Variants in CYP2J2 observed in about 807,000 individuals in gnomAD.
CYP2J2 encodes the protein cytochrome P450 family 2 subfamily J member 2.
CYP2J2 carries 41 observed loss-of-function variants against 48.8 expected under a neutral mutation model. The ratio of observed to expected loss-of-function variants is 0.84; its 90% confidence interval spans 0.66 to 1.09. The LOEUF (loss-of-function observed/expected upper bound fraction) is 1.09, where lower values mean the gene tolerates loss of function less well. Ranked by LOEUF, CYP2J2 falls within the 50% of genes least tolerant of loss-of-function variation. The pLI is 0.00. For missense variants in CYP2J2, 644 were observed against 617.3 expected, an observed-to-expected ratio of 1.04 and a Z score of -0.46; for synonymous variants, 221 against 227.1, an observed-to-expected ratio of 0.97 and a Z score of 0.24.
the CYP2J2 span, among the ~76,000 whole-genome samples, chr1:59,949,033 C>T: frequency 6.6e-6 from 1 of 151,536 alleles, no homozygotes; most frequent in Admixed American, 6.6e-5. Flanking sequence ...CATAGTGAGA[C>T]CACATCTCTG....
the CYP2J2 span, among the ~76,000 whole-genome samples, chr1:59,955,715 A>C: frequency 1.3e-5 from 2 of 152,190 alleles, no homozygotes; most frequent in South Asian, 4.1e-4. Flanking sequence ...CATAAACTTA[A>C]TGTATGCACG....
At chr1:59,935,025 T>TATATATATATAC in the CYP2J2 span, among the ~76,000 whole-genome samples, 1 of 85,846 alleles carries the variant, frequency 1.2e-5, no homozygotes, top group African/African-American at 4.0e-5. Flanking sequence ...CATATATATA[T>TATATATATATAC]ATATATATAT....
At chr1:59,948,072 G>A in the CYP2J2 span, among the ~76,000 whole-genome samples, 1 of 152,142 alleles carries the variant, frequency 6.6e-6, no homozygotes, top group African/African-American at 2.4e-5. Flanking sequence ...GATGAAAATG[G>A]AGAATCTTCA....
rs186143138 is a variant in CYP2J2 at position 59,917,968 on chromosome 1, C to T, written c.211-1868G>A. ...TCGGAGCAAATACAGTGGATTCAGT[C>T]TTATCCCACCACCTTGCTCCCACAT... is the stretch of plus-strand genomic sequence containing the variant. On this transcript the variant is annotated intron_variant, in intron 1 of 8. Transcript: ENST00000371204. Among the ~76,000 whole-genome samples the T allele has an allele frequency of 1.2e-4, 19 of 152,308 alleles. No homozygotes were observed. In the East Asian group the frequency reaches 2.5e-3, roughly 20 times the overall value.
chr1:59,904,979 G>A lies in CYP2J2; in HGVS notation c.1083C>T (p.Tyr361=), dbSNP rs753516471. 34 of 1,614,030 alleles carry A rather than the reference G, an allele frequency of 2.1e-5. No individual in the cohort carries two copies. Among genetic ancestry groups the A allele is most frequent in the African/African-American group, 2.7e-5 (2 of 75,040 alleles). Reference sequence around the variant, plus strand: ...GCACCTCATGGATGACAGCATTGGTGTAGGGCATGGACTCCCGGGCGGCTG... The same window carrying A: ...GCACCTCATGGATGACAGCATTGGTATAGGGCATGGACTCCCGGGCGGCTG... ...PSTAARESMP[Y]TNAVIHEVQR... The change falls in exon 7 of 9, where the codon TAC becomes TAT. Residue 361 remains tyrosine (Y), a synonymous_variant. Transcript: ENST00000371204.
At chr1:59,945,614 T>C in the CYP2J2 span, among the ~76,000 whole-genome samples, 1 of 152,222 alleles carries the variant, frequency 6.6e-6, no homozygotes, top group Non-Finnish European at 1.5e-5. Flanking sequence ...GTCCCCATAC[T>C]TCCCAATTTC....
rs756452345 is a variant in CYP2J2, at chr1:59,926,719, C to T, written c.28G>A (p.Ala10Thr). The change falls in exon 1 of 9, where the codon GCT becomes ACT. Residue 10 changes from alanine (A) to threonine (T), a missense_variant. Ala to Thr is a moderately conservative substitution (Grantham distance 58). Transcript: ENST00000371204. ...GGATGGACCACTGCCCAGAGGGCAG[C>T]CGCCAGAGAGCCCATCGCCGCGAGC... MLAAMGSLA[A>T]ALWAVVHPRT... is the part of the protein sequence containing the mutation. 6 of 1,613,598 alleles carry T rather than the reference C, an allele frequency of 3.7e-6. No homozygotes were observed. The Admixed American group carries it at 5.0e-5, about 13-fold the overall frequency.
At chr1:59,960,923 G>A in the CYP2J2 span, among the ~76,000 whole-genome samples, 46 of 152,140 alleles carry the variant, frequency 3.0e-4, no homozygotes, top group African/African-American at 1.1e-3. Flanking sequence ...AACAAATGGT[G>A]GAACTGGATA....
chr1:59,955,976 C>A, the CYP2J2 span, among the ~76,000 whole-genome samples: 3 of 151,952 alleles, frequency 2.0e-5, no homozygotes, highest in Admixed American at 2.0e-4. Flanking sequence ...ACATCATGAC[C>A]TCATGCAACT....
the CYP2J2 span, among the ~76,000 whole-genome samples, chr1:59,965,069 T>C: frequency 4.0e-4 from 61 of 152,290 alleles, 1 homozygote; most frequent in East Asian, 0.011. Context: ...TATGAGTATA[T>C]GAAAAATAGA....
At chr1:59,902,836 G>A (rs1004626537) in intron 7 of CYP2J2, among the ~76,000 whole-genome samples, 2 of 152,206 alleles carry the variant, frequency 1.3e-5, no homozygotes, top group Non-Finnish European at 2.9e-5. Context: ...TTCAGATGAA[G>A]AAATTGAAGC....
the CYP2J2 span, among the ~76,000 whole-genome samples, chr1:59,939,589 T>C: frequency 6.6e-6 from 1 of 152,198 alleles, no homozygotes; most frequent in Non-Finnish European, 1.5e-5. Flanking sequence ...ATTCCCTGGC[T>C]ACCACCTATG....
chr1:59,937,155 A>C, the CYP2J2 span, among the ~76,000 whole-genome samples: 1 of 152,208 alleles, frequency 6.6e-6, no homozygotes, highest in Non-Finnish European at 1.5e-5. Flanking sequence ...TTACCTCTCC[A>C]TTTCCTATGA....
chr1:59,938,136 G>A, the CYP2J2 span, among the ~76,000 whole-genome samples: 2 of 152,122 alleles, frequency 1.3e-5, no homozygotes, highest in African/African-American at 4.8e-5. Context: ...TTTGTGGATG[G>A]TTATCTGTCT....
At position 59,904,796 on chromosome 1, in the gene CYP2J2, A is replaced by G. The variant is rs1258827923; in HGVS notation, c.1191+75T>C. ...TCTTCCATTTAAATGATTCCTTAGG[A>G]CAAGAATAAATGTCACTTCTCAAGT... is the stretch of plus-strand genomic sequence containing the variant. On this transcript the variant is annotated intron_variant, in intron 7 of 8. Transcript: ENST00000371204. The G allele has an allele frequency of 6.3e-6, 8 of 1,274,190 alleles. No individual in the cohort carries two copies. The Admixed American group carries it at 1.6e-4, about 26-fold the overall frequency. The allele number at this position is 1,274,190 out of a possible 1,614,324, so 78.9% of individuals were successfully genotyped here.
upstream of CYP2J2, among the ~76,000 whole-genome samples, chr1:59,928,687 C>T (rs142480403): frequency 2.8e-4 from 42 of 152,310 alleles, 1 homozygote; most frequent in Admixed American, 2.0e-3. Context: ...ATACCTACCC[C>T]GGGCCATAAT....
the CYP2J2 span, among the ~76,000 whole-genome samples, chr1:59,943,127 G>A: frequency 1.3e-5 from 2 of 152,158 alleles, no homozygotes; most frequent in African/African-American, 4.8e-5. Flanking sequence ...CCAAGTGGAC[G>A]TGTCAAGTAG....
At chr1:59,914,507 A>G (rs180765560) in intron 2 of CYP2J2, among the ~76,000 whole-genome samples, 11 of 152,252 alleles carry the variant, frequency 7.2e-5, no homozygotes, top group African/African-American at 2.6e-4. Context: ...CTTTGCCCCA[A>G]CTTTGAGCTC....
At chr1:59,942,272 A>G in the CYP2J2 span, among the ~76,000 whole-genome samples, 1 of 152,134 alleles carries the variant, frequency 6.6e-6, no homozygotes, top group Non-Finnish European at 1.5e-5. Context: ...GTGAGCAGGA[A>G]TAGCAATTTA....
Sources: allele counts gnomAD v4.1 joint callset (sites outside exome capture counted in the v4.1 genomes callset), GRCh38; gene constraint gnomAD v4.1.1; transcripts MANE v1.5; gene names NCBI Gene and HGNC (gene_info 2026-07-23, HGNC 2026-07-21).